RABGAP1L: variants seen among roughly 807,000 people sequenced by gnomAD.
RABGAP1L encodes RAB GTPase activating protein 1 like.
In RABGAP1L, 63 loss-of-function variants were observed where a neutral mutation model predicts 137.7. That is an observed-to-expected ratio of 0.46 (90% CI 0.37 to 0.56). RABGAP1L has a LOEUF of 0.56. Ranked by LOEUF, RABGAP1L falls within the 20% of genes least tolerant of loss-of-function variation. RABGAP1L has a pLI of 0.00. For synonymous variants in RABGAP1L, 431 were observed against 433.7 expected, an observed-to-expected ratio of 0.99 and a Z score of 0.08; for missense variants, 1,095 against 1,244.0, an observed-to-expected ratio of 0.88 and a Z score of 1.80.
At chr1:174,870,689 T>G (rs7543595) in intron 19 of RABGAP1L, among the ~76,000 whole-genome samples, 1 of 152,158 alleles carries the variant, frequency 6.6e-6, no homozygotes, top group Non-Finnish European at 1.5e-5. Context: ...AGATTTTGTG[T>G]TTAGGACATA....
At chr1:174,296,115 G>A (rs1677107573) in intron 10 of RABGAP1L, among the ~76,000 whole-genome samples, 1 of 152,152 alleles carries the variant, frequency 6.6e-6, no homozygotes, top group Non-Finnish European at 1.5e-5. Flanking sequence ...GTCAGGAAAG[G>A]CAAGAGAGGA....
At chr1:174,945,429 A>G (rs12095410) in intron 19 of RABGAP1L, 1 of 152,248 alleles carries the variant, frequency 6.6e-6, no homozygotes. Flanking sequence ...CCAACATGGT[A>G]TACTAACTTG....
At position 174,811,825 on chromosome 1, in the gene RABGAP1L, T is replaced by C; in HGVS notation, c.2212-7T>C. 1 of 1,549,520 alleles carries C rather than the reference T, an allele frequency of 6.5e-7. No individual in the cohort carries two copies. Among genetic ancestry groups the C allele is most frequent in the Non-Finnish European group, 8.7e-7 (1 of 1,151,804 alleles). On this transcript the variant is annotated splice_polypyrimidine_tract_variant and splice_region_variant and intron_variant, in intron 18 of 25. Coordinates refer to ENST00000681986, the MANE Select transcript of RABGAP1L (RefSeq NM_001366446.1). Reference sequence around the variant, plus strand: ...TGTAATGACGATTCTTGATGATTATTTTGCAGACCTCAAAGGAAGACCTTC... The same window carrying C: ...TGTAATGACGATTCTTGATGATTATCTTGCAGACCTCAAAGGAAGACCTTC...
chr1:174,875,503 A>G, intron 19 of RABGAP1L: 1 of 984,606 alleles, frequency 1.0e-6, no homozygotes, highest in African/African-American at 1.7e-5. Context: ...ACCTTCCACA[A>G]CAGGTGTCTT....
intron 1 of RABGAP1L, among the ~76,000 whole-genome samples, chr1:174,181,067 T>C (rs1385630546): frequency 6.6e-6 from 1 of 152,234 alleles, no homozygotes; most frequent in African/African-American, 2.4e-5. Context: ...AACTGAGATG[T>C]AAACTCTTTT....
chr1:174,428,462 C>T (rs186249607), intron 13 of RABGAP1L, among the ~76,000 whole-genome samples: 1 of 152,302 alleles, frequency 6.6e-6, no homozygotes, highest in East Asian at 1.9e-4. Flanking sequence ...AACCCTTTAT[C>T]TCTTCATAAT....
chr1:174,662,763 A>G (rs1197712869), intron 14 of RABGAP1L, among the ~76,000 whole-genome samples: 1 of 152,194 alleles, frequency 6.6e-6, no homozygotes, highest in Non-Finnish European at 1.5e-5. Context: ...CTTCAGTGGG[A>G]CAAGATGTGA....
At chr1:174,449,337 C>CT (rs979579520) in intron 13 of RABGAP1L, 678 of 672,830 alleles carry the variant, frequency 1.0e-3, no homozygotes, top group South Asian at 1.7e-3. Flanking sequence ...AGGTTTCTCT[C>CT]TTTTTTTTTC....
chr1:174,629,094 T>C (rs1454022145), intron 13 of RABGAP1L, among the ~76,000 whole-genome samples: 1 of 152,176 alleles, frequency 6.6e-6, no homozygotes, highest in Non-Finnish European at 1.5e-5. Flanking sequence ...AAAAATTGTT[T>C]TGTTTTCCTT....
chr1:174,745,569 C>T (rs1309034449), intron 17 of RABGAP1L, among the ~76,000 whole-genome samples: 3 of 152,170 alleles, frequency 2.0e-5, no homozygotes, highest in Non-Finnish European at 1.5e-5. Context: ...TATAGCCTGG[C>T]TTTACCATTT....
chr1:174,368,196 A>G (rs185936810), intron 11 of RABGAP1L, among the ~76,000 whole-genome samples: 1 of 152,332 alleles, frequency 6.6e-6, no homozygotes, highest in East Asian at 1.9e-4. Context: ...CCTTTAAATT[A>G]CTTGATAGTG....
chr1:174,545,500 G>T (rs1301608995), intron 13 of RABGAP1L: 2 of 152,232 alleles, frequency 1.3e-5, no homozygotes, highest in Admixed American at 6.6e-5. Flanking sequence ...GGTACTATCT[G>T]TCATGGCTTC....
intron 13 of RABGAP1L, among the ~76,000 whole-genome samples, chr1:174,400,121 G>C (rs1352373743): frequency 6.6e-6 from 1 of 152,126 alleles, no homozygotes; most frequent in Non-Finnish European, 1.5e-5. Context: ...CTACAAATAT[G>C]CTTTGTATGG....
chr1:174,228,290 ACTT>A, intron 3 of RABGAP1L, among the ~76,000 whole-genome samples: 1 of 152,114 alleles, frequency 6.6e-6, no homozygotes, highest in Non-Finnish European at 1.5e-5. Context: ...TCTTCAAACA[ACTT>A]CTTTTTGGCC....
At chr1:174,811,229 A>G (rs1281209427) in intron 18 of RABGAP1L, among the ~76,000 whole-genome samples, 1 of 152,214 alleles carries the variant, frequency 6.6e-6, no homozygotes, top group Admixed American at 6.5e-5. Flanking sequence ...GAAGAAGTAA[A>G]TTTGGTAAAC....
chr1:174,580,471 G>C (rs1333143443), intron 13 of RABGAP1L, among the ~76,000 whole-genome samples: 1 of 152,174 alleles, frequency 6.6e-6, no homozygotes, highest in Non-Finnish European at 1.5e-5. Flanking sequence ...ATAAGTTCAT[G>C]TCCTTCTTAG....
rs571781273 is a variant in RABGAP1L at position 174,672,739 on chromosome 1, T to C, written c.1825-10783T>C. Among the ~76,000 whole-genome samples, 3 of 152,316 alleles carry C rather than the reference T, an allele frequency of 2.0e-5. No individual in the cohort carries two copies. In the East Asian group the frequency reaches 5.8e-4, roughly 29 times the overall value. On this transcript the variant is annotated intron_variant, in intron 14 of 25. Coordinates refer to ENST00000681986, the MANE Select transcript of RABGAP1L (RefSeq NM_001366446.1). The stretch of plus-strand genomic sequence containing the variant: ...TATTGATTGTTCAGGAGCATGCTGT[T>C]TAATTTCCATGTACATGTGAATTTT...
At chr1:174,299,985 A>G (rs1677514018) in intron 10 of RABGAP1L, among the ~76,000 whole-genome samples, 4 of 152,222 alleles carry the variant, frequency 2.6e-5, no homozygotes, top group Admixed American at 2.6e-4. Flanking sequence ...AACACAATTG[A>G]CAAATAAGTG....
chr1:174,943,812 G>A (rs192016365), intron 19 of RABGAP1L, among the ~76,000 whole-genome samples: 5 of 151,228 alleles, frequency 3.3e-5, no homozygotes, highest in Admixed American at 6.6e-5. Flanking sequence ...CAGCCGGCGC[G>A]ACAGTGCGAG....
Sources: allele counts gnomAD v4.1 joint callset (sites outside exome capture counted in the v4.1 genomes callset), GRCh38; gene constraint gnomAD v4.1.1; transcripts MANE v1.5; gene names NCBI Gene and HGNC (gene_info 2026-07-23, HGNC 2026-07-21).